The following TENM4 variants were observed in gnomAD, a reference collection of about 807,000 sequenced individuals.
The protein encoded by TENM4 is teneurin transmembrane protein 4.
In TENM4, 82 loss-of-function variants were observed where a neutral mutation model predicts 243.3. That is an observed-to-expected ratio of 0.34 (90% CI 0.28 to 0.40). TENM4 has a LOEUF of 0.40. Among genes scored for constraint, TENM4 ranks in the 10% least tolerant of loss-of-function variants. TENM4 has a pLI of 1.00. For missense variants in TENM4, 3,138 were observed against 3,673.3 expected (o/e 0.85, Z 3.77); for synonymous variants, 1,412 against 1,456.3 (o/e 0.97, Z 0.69).
intron 6 of TENM4, among the ~76,000 whole-genome samples, chr11:78,991,667 G>A (rs1346398352): frequency 6.6e-6 from 1 of 152,192 alleles, no homozygotes; most frequent in Non-Finnish European, 1.5e-5. Flanking sequence ...ATTTCCCCAT[G>A]TGGCCTCTCT....
In TENM4 at chr11:79,294,550, T is replaced by G. The variant is rs377629471; in HGVS notation, c.-265+2938A>C. 9.9e-5 allele frequency among the ~76,000 whole-genome samples: 15 copies of G among 152,154 alleles called. No homozygotes were observed. In the East Asian group the frequency reaches 2.9e-3, roughly 29 times the overall value. ...AGAGAATGTGAGTAGGCTCGTTCAG[T>G]AAGAAGCTAAGTTGGGGGCCAGGCG... On this transcript the variant is annotated intron_variant, in intron 2 of 33. Transcript: ENST00000278550.
chr11:79,223,957 T>C (rs564998310), intron 2 of TENM4, among the ~76,000 whole-genome samples: 2 of 152,226 alleles, frequency 1.3e-5, no homozygotes, highest in African/African-American at 4.8e-5. Flanking sequence ...GTGGTGTGAG[T>C]TGTGAGCAGA....
chr11:78,675,970 T>A (rs1858457997), intron 30 of TENM4, among the ~76,000 whole-genome samples, 182 bp downstream of exon 30: 3 of 152,280 alleles, frequency 2.0e-5, no homozygotes, highest in Admixed American at 6.5e-5. Flanking sequence ...CAGTAGTCTT[T>A]CCACAAGTAA....
At chr11:79,400,509 G>A (rs976120138) in intron 1 of TENM4, among the ~76,000 whole-genome samples, 1 of 152,060 alleles carries the variant, frequency 6.6e-6, no homozygotes. Flanking sequence ...CTCCTGACAG[G>A]CATCTCTCTT....
intron 7 of TENM4, among the ~76,000 whole-genome samples, chr11:78,893,780 T>TACACACACACACTCACACACACAC (rs1855722722): frequency 7.0e-6 from 1 of 142,670 alleles, no homozygotes. Context: ...GGACTTCACA[T>TACACACACACACTCACACACACAC]ACACACACAC....
At chr11:79,011,628 A>C (rs1186222815) in intron 6 of TENM4, among the ~76,000 whole-genome samples, 3 of 152,248 alleles carry the variant, frequency 2.0e-5, no homozygotes, top group Non-Finnish European at 2.9e-5. Flanking sequence ...GAACCCCAAC[A>C]GGGGTCTGCA....
At chr11:78,702,493 A>G (rs1859132766) in intron 27 of TENM4, 90 bp from the exon 28 acceptor site, 7 of 1,472,108 alleles carry the variant, frequency 4.8e-6, no homozygotes, top group Non-Finnish European at 5.5e-6. Context: ...ACAGTGTCCA[A>G]AGTGGCTTCA....
intron 3 of TENM4, among the ~76,000 whole-genome samples, chr11:79,152,342 T>C (rs942737538): frequency 1.3e-5 from 2 of 152,150 alleles, no homozygotes; most frequent in African/African-American, 2.4e-5. Flanking sequence ...CTACAACCAC[T>C]TTCTTTTACA....
At chr11:78,990,929 A>C (rs1305294754) in intron 6 of TENM4, among the ~76,000 whole-genome samples, 1 of 152,244 alleles carries the variant, frequency 6.6e-6, no homozygotes, top group African/African-American at 2.4e-5. Context: ...TATTAAAAAG[A>C]AATACACATG....
chr11:78,751,445 G>A (rs935651822), intron 19 of TENM4, among the ~76,000 whole-genome samples: 1 of 151,980 alleles, frequency 6.6e-6, no homozygotes, highest in Non-Finnish European at 1.5e-5. Flanking sequence ...AGAATTAGAG[G>A]AACCCAGCAA....
chr11:79,171,151 C>T (rs1398430896), intron 3 of TENM4, among the ~76,000 whole-genome samples: 1 of 152,128 alleles, frequency 6.6e-6, no homozygotes, highest in African/African-American at 2.4e-5. Flanking sequence ...GATAAAAGCC[C>T]AGAGAGGGGA....
At chr11:79,120,747 G>A (rs1344400898) in intron 4 of TENM4, among the ~76,000 whole-genome samples, 1 of 152,188 alleles carries the variant, frequency 6.6e-6, no homozygotes. Context: ...TAAAAGTGCA[G>A]AATCACAAAG....
At chr11:79,417,384 TCTTATC>T (rs1212072886) in intron 1 of TENM4, among the ~76,000 whole-genome samples, 4 of 152,152 alleles carry the variant, frequency 2.6e-5, no homozygotes, top group Admixed American at 2.6e-4. Context: ...GACTGGTCCC[TCTTATC>T]CTTTTTTGTG....
chr11:78,799,048 A>G (rs1173235442), intron 15 of TENM4, among the ~76,000 whole-genome samples: 1 of 152,144 alleles, frequency 6.6e-6, no homozygotes, highest in East Asian at 1.9e-4. Context: ...GAATGAATGC[A>G]GTGAATGTGT....
rs549585946 is a variant in TENM4 at position 79,383,666 on chromosome 11, C to T, written c.-321+56843G>A. On this transcript the variant is annotated intron_variant, in intron 1 of 33. Transcript: ENST00000278550. ...GGTGCTCATGGCCGGTGGGGAGCTC[C>T]TGATCCTGTTTCTCTCTCCTCTTGA... Among the ~76,000 whole-genome samples, 10 of 152,266 alleles carry T rather than the reference C, an allele frequency of 6.6e-5. No homozygotes were observed. The East Asian group carries it at 1.9e-3, about 29-fold the overall frequency.
chr11:79,343,006 T>C (rs886691453), intron 1 of TENM4, among the ~76,000 whole-genome samples: 2 of 152,224 alleles, frequency 1.3e-5, no homozygotes, highest in Admixed American at 1.3e-4. Context: ...CTGGACTGAC[T>C]CTCCATGGCC....
chr11:79,194,776 A>G lies in TENM4; in HGVS notation c.-163+21032T>C, dbSNP rs573358677. On this transcript the variant is annotated intron_variant, in intron 3 of 33. Coordinates refer to ENST00000278550, the MANE Select transcript of TENM4 (RefSeq NM_001098816.3). ...TGCAGCCTATGTGACAGAAAAGAAA[A>G]TTCCATTTTCTGGGGAGAAATTCAA... Among the ~76,000 whole-genome samples the G allele has an allele frequency of 1.3e-5, 2 of 152,346 alleles. 1 individual carries two copies. Among genetic ancestry groups the G allele is most frequent in the South Asian group, 4.1e-4 (2 of 4,826 alleles).
chr11:79,237,555 T>C (rs189609553), intron 2 of TENM4, among the ~76,000 whole-genome samples: 1 of 152,264 alleles, frequency 6.6e-6, no homozygotes. Context: ...CAGGCACCTA[T>C]AATCCCAGCT....
At chr11:79,238,619 G>A (rs1488599222) in intron 2 of TENM4, among the ~76,000 whole-genome samples, 1 of 152,104 alleles carries the variant, frequency 6.6e-6, no homozygotes, top group African/African-American at 2.4e-5. Context: ...CAGATCATGG[G>A]TCTTCCAAGC....
Sources: allele counts gnomAD v4.1 joint callset (sites outside exome capture counted in the v4.1 genomes callset), GRCh38; gene constraint gnomAD v4.1.1; transcripts MANE v1.5; gene names NCBI Gene and HGNC (gene_info 2026-07-23, HGNC 2026-07-21).